RLN1: variants seen among roughly 807,000 people sequenced by gnomAD.
RLN1 encodes the protein relaxin 1.
Under a neutral mutation model 7.2 loss-of-function variants are expected in RLN1, and 4 were observed. That is an observed-to-expected ratio of 0.56 (90% CI 0.28 to 1.28). The LOEUF (loss-of-function observed/expected upper bound fraction) is 1.28, where lower values mean the gene tolerates loss of function less well. Ranked by LOEUF, RLN1 falls within the 50% of genes most tolerant of loss-of-function variation. The pLI is 0.11. For missense variants in RLN1, 293 were observed against 221.1 expected (o/e 1.32, Z -2.06); for synonymous variants, 105 against 86.0 (o/e 1.22, Z -1.22).
chr9:5,335,190 A>G lies in RLN1; in HGVS notation c.*61T>C. 1 of 951,774 alleles carries G rather than the reference A, an allele frequency of 1.1e-6. No individual in the cohort carries two copies. Among genetic ancestry groups the G allele is most frequent in the Non-Finnish European group, 1.6e-6 (1 of 638,038 alleles). 59.0% of individuals were successfully genotyped at this position (951,774 alleles called of 1,614,324 possible). On this transcript the variant is annotated 3_prime_UTR_variant, in exon 2 of 2. Coordinates refer to ENST00000223862, the MANE Select transcript of RLN1 (RefSeq NM_006911.4). ...ATTAGTGGGACCTGACAGAAGCATC[A>G]GTGAAATGTCATCAAGACTATGTGT...
At chr9:5,339,310 T>C in intron 1 of RLN1, 1 of 422,966 alleles carries the variant, frequency 2.4e-6, no homozygotes, top group Non-Finnish European at 4.0e-6. Context: ...CTGTTCTCAG[T>C]GCTTTCCCTC....
upstream of RLN1, among the ~76,000 whole-genome samples, chr9:5,340,314 C>G (rs189607337): frequency 4.3e-3 from 658 of 152,250 alleles, 3 homozygotes; most frequent in Non-Finnish European, 6.5e-3. Flanking sequence ...AAACTGATGA[C>G]TTTTAATCTG....
At position 5,339,688 on chromosome 9, in the gene RLN1, GA is replaced by G. The variant is rs1479008115; in HGVS notation, c.58del (p.Ser20ProfsTer20). On this transcript the variant is annotated frameshift_variant, in exon 1 of 2. Transcript: ENST00000223862. LOFTEE classifies it high-confidence loss of function. The part of the protein sequence containing the change: ...LEFCLLLNQF[S>X]RAVAAKWKDD... Reference sequence around the variant, plus strand: ...CTTCCATTTGGCCGCGACTGCTCTGGAAAATTGGTTCAGTAGTAAACAGAAT... The same window carrying G: ...CTTCCATTTGGCCGCGACTGCTCTGGAAATTGGTTCAGTAGTAAACAGAAT... 6 of 1,613,322 alleles carry G rather than the reference GA, an allele frequency of 3.7e-6. No individual in the cohort carries two copies. Among genetic ancestry groups the G allele is most frequent in the Middle Eastern group, 1.6e-4 (1 of 6,062 alleles).
chr9:5,337,137 CATT>C (rs2131033424), intron 1 of RLN1, among the ~76,000 whole-genome samples: 1 of 152,120 alleles, frequency 6.6e-6, no homozygotes, highest in Non-Finnish European at 1.5e-5. Flanking sequence ...CATTTTCCCT[CATT>C]AAGACATCCT....
chr9:5,336,885 G>A (rs919371079), intron 1 of RLN1, among the ~76,000 whole-genome samples: 4 of 151,946 alleles, frequency 2.6e-5, no homozygotes, highest in Non-Finnish European at 5.9e-5. Context: ...CCTAGACAGC[G>A]GTAGTTCTGG....
In RLN1 at chr9:5,335,308, C is replaced by G. The variant is rs1268988416; in HGVS notation, c.501G>C (p.Leu167=). Residue 167 remains leucine, a synonymous_variant, in exon 2 of 2, where the codon CTG becomes CTC. Transcript: ENST00000223862. ...AACCAATTAGGCAACATTTCTCAAA[C>G]AGTGCCACGTAGGGTCGTCTCTTTT... ...SQKKRRPYVA[L]FEKCCLIGCT... is the part of the protein sequence containing the mutation. 6.2e-7 allele frequency: 1 copy of G among 1,604,438 alleles called. No individual in the cohort carries two copies. Among genetic ancestry groups the G allele is most frequent in the Non-Finnish European group, 8.5e-7 (1 of 1,177,646 alleles).
At chr9:5,336,784 G>C (rs189089364) in intron 1 of RLN1, among the ~76,000 whole-genome samples, 4 of 151,904 alleles carry the variant, frequency 2.6e-5, no homozygotes, top group Non-Finnish European at 4.4e-5. Context: ...ATAATGAAAA[G>C]AAAGAGAAGA....
rs575419605 is a variant in RLN1, at chr9:5,339,570, C to T, written c.177G>A (p.Gln59=). The T allele has an allele frequency of 1.1e-5, 17 of 1,606,188 alleles. No homozygotes were observed. In the East Asian group the frequency reaches 2.5e-4, roughly 23 times the overall value. Residue 59 remains glutamine, a synonymous_variant, in exon 1 of 2, where the codon CAG becomes CAA. Coordinates refer to ENST00000223862, the MANE Select transcript of RLN1 (RefSeq NM_006911.4). ...GTCTAGGTGTCTGAGGAGCATCTTCCTGGCTCAGAGACCTTTTGCTCCAGG... is the reference window on the plus strand; with the variant it reads ...GTCTAGGTGTCTGAGGAGCATCTTCTTGGCTCAGAGACCTTTTGCTCCAGG... The part of the protein sequence containing the change: ...MSTWSKRSLS[Q]EDAPQTPRPV...
Position 5,335,521 on chromosome 9 carries a change from C to T in RLN1, c.288G>A (p.Pro96=), listed in dbSNP as rs755868810. The T allele has an allele frequency of 3.4e-5, 55 of 1,612,850 alleles. No individual in the cohort carries two copies. The highest frequency in any genetic ancestry group is 1.3e-4 in the East Asian group (6 of 44,870). ...IMLEFIANLP[P]ELKAALSERQ... is the part of the protein sequence containing the mutation. ...TCTCAGATAGGGCTGCCTTCAGCTC[C>T]GGTGGCAAATTAGCAATGAATTCCA... The change falls in exon 2 of 2, where the codon CCG becomes CCA. Residue 96 remains proline (P), a synonymous_variant. Coordinates refer to ENST00000223862, the MANE Select transcript of RLN1 (RefSeq NM_006911.4).
At chr9:5,340,514 C>T (rs1816969917), upstream of RLN1, among the ~76,000 whole-genome samples, 3 of 151,760 alleles carry the variant, frequency 2.0e-5, no homozygotes, top group Non-Finnish European at 4.4e-5. Context: ...GGAGAACACA[C>T]CACACACACA....
At chr9:5,337,155 T>G (rs1297665255) in intron 1 of RLN1, among the ~76,000 whole-genome samples, 1 of 152,012 alleles carries the variant, frequency 6.6e-6, no homozygotes, top group African/African-American at 2.4e-5. Flanking sequence ...CATCCTAAGT[T>G]TAATTCAATT....
At position 5,335,314 on chromosome 9, in the gene RLN1, C is replaced by T. The variant is rs1431487062; in HGVS notation, c.495G>A (p.Val165=). The T allele has an allele frequency of 1.9e-6, 3 of 1,610,262 alleles. No individual in the cohort carries two copies. ...THSQKKRRPY[V]ALFEKCCLIG... ...TTAGGCAACATTTCTCAAACAGTGC[C>T]ACGTAGGGTCGTCTCTTTTTTTGAG... The change falls in exon 2 of 2, where the codon GTG becomes GTA. Residue 165 remains valine, a synonymous_variant. Transcript: ENST00000223862.
chr9:5,337,737 A>G (rs1372495239), intron 1 of RLN1, among the ~76,000 whole-genome samples: 3 of 152,054 alleles, frequency 2.0e-5, no homozygotes, highest in Non-Finnish European at 4.4e-5. Flanking sequence ...TTCTGAGGTT[A>G]CTTTCAGTTA....
chr9:5,336,363 C>T (rs1188280298), intron 1 of RLN1, among the ~76,000 whole-genome samples: 1 of 152,008 alleles, frequency 6.6e-6, no homozygotes, highest in Non-Finnish European at 1.5e-5. Context: ...AGATCATGCA[C>T]TATGCAAGAT....
At position 5,339,673 on chromosome 9, in the gene RLN1, G is replaced by C; in HGVS notation, c.74C>G (p.Ala25Gly). ...TTTAATAACATCGTCCTTCCATTTGGCCGCGACTGCTCTGGAAAATTGGTT... is the reference window on the plus strand; with the variant it reads ...TTTAATAACATCGTCCTTCCATTTGCCCGCGACTGCTCTGGAAAATTGGTT... ...LLNQFSRAVA[A>G]KWKDDVIKLC... is the part of the protein sequence containing the mutation. Residue 25 changes from alanine (A) to glycine (G), a missense_variant, in exon 1 of 2, where the codon GCC becomes GGC. Transcript: ENST00000223862. 7 of 1,611,026 alleles carry C rather than the reference G, an allele frequency of 4.3e-6. No homozygotes were observed. The highest frequency in any genetic ancestry group is 5.9e-6 in the Non-Finnish European group (7 of 1,179,666).
At chr9:5,340,520 A>G (rs1457633630), upstream of RLN1, among the ~76,000 whole-genome samples, 6 of 152,306 alleles carry the variant, frequency 3.9e-5, no homozygotes, top group East Asian at 1.2e-3. Flanking sequence ...CACACCACAC[A>G]CACAGAGAGA....
chr9:5,335,608 T>TA lies in RLN1; in HGVS notation c.212-12dup, dbSNP rs56993825. Reference sequence around the variant, plus strand: ...AGGATGGTACAATTTCTGTTAAGTTTAAAAAAAAAGTGTATGTGAAGGCGT... The same window carrying TA: ...AGGATGGTACAATTTCTGTTAAGTTTAAAAAAAAAAGTGTATGTGAAGGCGT... On this transcript the variant is annotated splice_polypyrimidine_tract_variant and intron_variant, in intron 1 of 1. Transcript: ENST00000223862. The TA allele has an allele frequency of 1.6e-3, 2,335 of 1,495,026 alleles. 7 individuals are homozygous for TA. The highest frequency in any genetic ancestry group is 1.7e-3 in the Non-Finnish European group (1,809 of 1,094,756). The allele number at this position is 1,495,026 out of a possible 1,614,324, so 92.6% of individuals were successfully genotyped here.
In RLN1 at chr9:5,334,943, G is replaced by C; in HGVS notation, c.*308C>G. 1 of 227,250 alleles carries C rather than the reference G, an allele frequency of 4.4e-6. No homozygotes were observed. The highest frequency in any genetic ancestry group is 8.5e-6 in the Non-Finnish European group (1 of 117,842). The allele number at this position is 227,250 out of a possible 1,614,324, so 14.1% of individuals were successfully genotyped here. A position where few individuals can be genotyped will look rare whatever the true frequency, so the allele number is the denominator to read the frequency against. On this transcript the variant is annotated 3_prime_UTR_variant, in exon 2 of 2. Transcript: ENST00000223862. ...GTCCACCTCATGTAACTGTTGTTAGGTACTGTATTGTTATTATGTATGGTT... is the reference window on the plus strand; with the variant it reads ...GTCCACCTCATGTAACTGTTGTTAGCTACTGTATTGTTATTATGTATGGTT...
rs1437960513 is a variant in RLN1, at chr9:5,339,751, G to T, written c.-5C>A. On this transcript the variant is annotated 5_prime_UTR_variant, in exon 1 of 2. Transcript: ENST00000223862. Reference sequence around the variant, plus strand: ...GAACAAGAACAGGCGAGGCATCCTGGGCCTGGTCTCTCCTGGAGGTCTGGG... The same window carrying T: ...GAACAAGAACAGGCGAGGCATCCTGTGCCTGGTCTCTCCTGGAGGTCTGGG... 2 of 1,613,528 alleles carry T rather than the reference G, an allele frequency of 1.2e-6. No individual in the cohort carries two copies. The highest frequency in any genetic ancestry group is 3.3e-5 in the Admixed American group (2 of 60,002).
Sources: allele counts gnomAD v4.1 joint callset (sites outside exome capture counted in the v4.1 genomes callset), GRCh38; gene constraint gnomAD v4.1.1; transcripts MANE v1.5; gene names NCBI Gene and HGNC (gene_info 2026-07-23, HGNC 2026-07-21).